The following TENT4B variants were observed in gnomAD, a reference collection of about 807,000 sequenced individuals.
The protein encoded by TENT4B is terminal nucleotidyltransferase 4B.
Under a neutral mutation model 75.0 loss-of-function variants are expected in TENT4B, and 10 were observed. The observed-to-expected ratio is 0.13, with a 90% CI of 0.08 to 0.23. The LOEUF (loss-of-function observed/expected upper bound fraction) is 0.23. Among genes scored for constraint, TENT4B ranks in the 10% least tolerant of loss-of-function variants. The pLI is 1.00. For missense variants in TENT4B, 579 were observed against 893.8 expected (o/e 0.65, Z 4.49); for synonymous variants, 350 against 357.7 (o/e 0.98, Z 0.24).
chr16:50,211,327 C>A lies in TENT4B; in HGVS notation c.643C>A (p.His215Asn). The change falls in exon 2 of 12, where the codon CAT becomes AAT. Residue 215 changes from histidine (H) to asparagine (N), a missense_variant. By Grantham distance (68) the His-to-Asn change is moderately conservative. Coordinates refer to ENST00000561678, the MANE Select transcript of TENT4B (RefSeq NM_001365324.3). ...RNYNQGVVGL[H>N]EEISDFYEYM... ...CTTTTCTGTTTTTTTCTTCAGTCTGCATGAAGAAATCAGTGATTTTTATGA... is the reference window on the plus strand; with the variant it reads ...CTTTTCTGTTTTTTTCTTCAGTCTGAATGAAGAAATCAGTGATTTTTATGA... 1.2e-6 allele frequency: 2 copies of A among 1,605,210 alleles called. No individual in the cohort carries two copies. The highest frequency in any genetic ancestry group is 1.3e-5 in the African/African-American group (1 of 74,444).
intron 1 of TENT4B, among the ~76,000 whole-genome samples, chr16:50,202,485 CT>C (rs2030711974): frequency 6.6e-6 from 1 of 152,068 alleles, no homozygotes; most frequent in South Asian, 2.1e-4. Context: ...AAAGATTAAA[CT>C]TTGTTTATTT....
At chr16:50,172,415 G>C (rs2038222780) in intron 1 of TENT4B, among the ~76,000 whole-genome samples, 1 of 152,026 alleles carries the variant, frequency 6.6e-6, no homozygotes, top group Non-Finnish European at 1.5e-5. Context: ...TGGGAGACTG[G>C]AGTATGCATA....
At chr16:50,199,570 T>C (rs1742942651) in intron 1 of TENT4B, among the ~76,000 whole-genome samples, 1 of 152,256 alleles carries the variant, frequency 6.6e-6, no homozygotes, top group South Asian at 2.1e-4. Context: ...ATCTGTTTAC[T>C]GTCTCCATAG....
intron 1 of TENT4B, among the ~76,000 whole-genome samples, chr16:50,199,943 A>G (rs561305513): frequency 1.3e-5 from 2 of 152,350 alleles, no homozygotes; most frequent in African/African-American, 4.8e-5. Flanking sequence ...CAGTGTGACA[A>G]TTATGAATAA....
At chr16:50,222,977 C>T (rs747604561) in intron 6 of TENT4B, among the ~76,000 whole-genome samples, 197 bp from the exon 7 acceptor site, 3 of 152,184 alleles carry the variant, frequency 2.0e-5, no homozygotes, top group Non-Finnish European at 2.9e-5. Context: ...CAAACAGTCT[C>T]CCGCCATTCC....
At chr16:50,174,798 C>T (rs2038273460) in intron 1 of TENT4B, among the ~76,000 whole-genome samples, 1 of 133,964 alleles carries the variant, frequency 7.5e-6, no homozygotes, top group African/African-American at 2.8e-5. Context: ...GGCTAGAGTA[C>T]AGTGGCACAA....
intron 7 of TENT4B, 77 bp from the exon 8 acceptor site, chr16:50,224,580 C>A: frequency 6.4e-7 from 1 of 1,573,236 alleles, no homozygotes; most frequent in South Asian, 1.2e-5. Flanking sequence ...CCCTTGCTCT[C>A]CTGGAAGAGA....
Position 50,153,768 on chromosome 16 carries a change from C to T in TENT4B, c.147C>T (p.Gly49=), listed in dbSNP as rs1411281685. 8.9e-7 allele frequency: 1 copy of T among 1,120,156 alleles called. No individual in the cohort carries two copies. Among genetic ancestry groups the T allele is most frequent in the Non-Finnish European group, 1.1e-6 (1 of 916,758 alleles). The allele number at this position is 1,120,156 out of a possible 1,614,324, so 69.4% of individuals were successfully genotyped here. Residue 49 remains glycine, a synonymous_variant, in exon 1 of 12, where the codon GGC becomes GGT. Coordinates refer to ENST00000561678, the MANE Select transcript of TENT4B (RefSeq NM_001365324.3). Reference sequence around the variant, plus strand: ...GCAGCGGCGGCGCGAGCGGCGGCGGCGGCAGCAGCAGCAGCAGCAGCACGG... The same window carrying T: ...GCAGCGGCGGCGCGAGCGGCGGCGGTGGCAGCAGCAGCAGCAGCAGCACGG... ...CHSSGGASGG[G]GSSSSSSTAT... is the part of the protein sequence containing the mutation.
intron 1 of TENT4B, among the ~76,000 whole-genome samples, chr16:50,194,507 G>A (rs2030079474): frequency 6.6e-6 from 1 of 151,552 alleles, no homozygotes. Context: ...GAGCCACCAT[G>A]CCTGGCCATT....
intron 1 of TENT4B, among the ~76,000 whole-genome samples, chr16:50,207,846 A>G (rs774439101): frequency 9.2e-5 from 14 of 152,236 alleles, no homozygotes; most frequent in Non-Finnish European, 1.9e-4. Flanking sequence ...TGCACACTCT[A>G]CAAACGGACT....
intron 1 of TENT4B, among the ~76,000 whole-genome samples, chr16:50,166,780 ATTTTTTTTTT>A (rs57856238): frequency 8.7e-6 from 1 of 115,280 alleles, no homozygotes; most frequent in Non-Finnish European, 1.8e-5. Flanking sequence ...TGCCTGGCTA[ATTTTTTTTTT>A]TTTTTTTTTT....
chr16:50,158,995 A>G (rs1048622858), intron 1 of TENT4B, among the ~76,000 whole-genome samples: 6 of 152,126 alleles, frequency 3.9e-5, no homozygotes, highest in Non-Finnish European at 8.8e-5. Context: ...TGGTTTGGGT[A>G]AGAAGATAGT....
intron 1 of TENT4B, among the ~76,000 whole-genome samples, chr16:50,178,101 T>C (rs1322163339): frequency 6.6e-6 from 1 of 151,940 alleles, no homozygotes; most frequent in Non-Finnish European, 1.5e-5. Context: ...TTCTATTCTT[T>C]TCAATTTGTT....
rs2032359007 is a variant in TENT4B, at chr16:50,233,565, T to A, written c.*4237T>A. 1 of 984,928 alleles carries A rather than the reference T, an allele frequency of 1.0e-6. No homozygotes were observed. Among genetic ancestry groups the A allele is most frequent in the Non-Finnish European group, 1.2e-6 (1 of 829,456 alleles). 61.0% of individuals were successfully genotyped at this position (984,928 alleles called of 1,614,324 possible). ...TAGACGTTGAATGTTGACAAAATTA[T>A]TAACCAGAAAAATTGCTTATAAAGG... is the stretch of plus-strand genomic sequence containing the variant. On this transcript the variant is annotated 3_prime_UTR_variant, in exon 12 of 12. Transcript: ENST00000561678.
intron 6 of TENT4B, 136 bp downstream of exon 6, chr16:50,222,570 T>A: frequency 1.2e-6 from 1 of 858,196 alleles, no homozygotes; most frequent in Non-Finnish European, 1.7e-6. Context: ...CTTTTCCCTT[T>A]AAACTGGGTA....
Position 50,233,921 on chromosome 16 carries a change from G to T in TENT4B, c.*4593G>T. On this transcript the variant is annotated 3_prime_UTR_variant, in exon 12 of 12. Coordinates refer to ENST00000561678, the MANE Select transcript of TENT4B (RefSeq NM_001365324.3). ...TGATGTGGAAATCAGGTGTTCTCTTGTGTATTTCAGTGAACATTTTTATTA... is the reference window on the plus strand; with the variant it reads ...TGATGTGGAAATCAGGTGTTCTCTTTTGTATTTCAGTGAACATTTTTATTA... 1.0e-6 allele frequency: 1 copy of T among 985,408 alleles called. No homozygotes were observed. 61.0% of individuals were successfully genotyped at this position (985,408 alleles called of 1,614,324 possible).
At chr16:50,158,497 C>T (rs924518452) in intron 1 of TENT4B, among the ~76,000 whole-genome samples, 8 of 152,246 alleles carry the variant, frequency 5.3e-5, no homozygotes, top group Admixed American at 2.6e-4. Context: ...TCCATGAAAA[C>T]GAGCCATAAA....
At position 50,175,584 on chromosome 16, in the gene TENT4B, A is replaced by G. The variant is rs531359393; in HGVS notation, c.638+21325A>G. On this transcript the variant is annotated intron_variant, in intron 1 of 11. Coordinates refer to ENST00000561678, the MANE Select transcript of TENT4B (RefSeq NM_001365324.3). ...ACTGCAACCTCTGACTCCCTGGTTCAAGGGATTCTCCTGCCTCAGCCTCCC... is the reference window on the plus strand; with the variant it reads ...ACTGCAACCTCTGACTCCCTGGTTCGAGGGATTCTCCTGCCTCAGCCTCCC... Among the ~76,000 whole-genome samples the G allele has an allele frequency of 1.8e-4, 28 of 152,026 alleles. No individual in the cohort carries two copies. The South Asian group carries it at 5.4e-3, about 29-fold the overall frequency.
chr16:50,229,935 A>G lies in TENT4B; in HGVS notation c.*607A>G, dbSNP rs2150754220. The G allele has an allele frequency of 1.1e-6, 1 of 935,634 alleles. No homozygotes were observed. The highest frequency in any genetic ancestry group is 6.2e-5 in the Admixed American group (1 of 16,212). 58.0% of individuals were successfully genotyped at this position (935,634 alleles called of 1,614,324 possible). A position where few individuals can be genotyped will look rare whatever the true frequency, so the allele number is the denominator to read the frequency against. On this transcript the variant is annotated 3_prime_UTR_variant, in exon 12 of 12. Coordinates refer to ENST00000561678, the MANE Select transcript of TENT4B (RefSeq NM_001365324.3). ...AATTGTAAACAGATTTTTTCTCAGG[A>G]TTAGTTTGAAAAATAATCTAAATTG...
Sources: allele counts gnomAD v4.1 joint callset (sites outside exome capture counted in the v4.1 genomes callset), GRCh38; gene constraint gnomAD v4.1.1; transcripts MANE v1.5; gene names NCBI Gene and HGNC (gene_info 2026-07-23, HGNC 2026-07-21).